SGCG: variants seen among roughly 807,000 people sequenced by gnomAD.
SGCG encodes gamma-sarcoglycan.
A neutral mutation model predicts 29.3 loss-of-function variants in SGCG; 26 were observed. The observed-to-expected ratio is 0.89, with a 90% CI of 0.65 to 1.23. SGCG has a LOEUF of 1.23. Ranked by LOEUF, SGCG falls within the 50% of genes most tolerant of loss-of-function variation. The pLI, the probability that SGCG is intolerant of heterozygous loss-of-function variation, is 0.00. For missense variants in SGCG, 353 were observed against 356.0 expected, an observed-to-expected ratio of 0.99 and a Z score of 0.07; for synonymous variants, 145 against 129.7, an observed-to-expected ratio of 1.12 and a Z score of -0.80.
At chr13:23,232,458 C>T (rs1472632789) in intron 2 of SGCG, among the ~76,000 whole-genome samples, 2 of 152,076 alleles carry the variant, frequency 1.3e-5, no homozygotes, top group East Asian at 3.9e-4. Context: ...TCCTGCTTTC[C>T]TTTTTTAAAT....
chr13:23,277,198 T>C (rs1881112277), intron 4 of SGCG, among the ~76,000 whole-genome samples: 1 of 152,196 alleles, frequency 6.6e-6, no homozygotes, highest in Non-Finnish European at 1.5e-5. Context: ...AAGATGAACC[T>C]CTAGTGAGCA....
At chr13:23,225,245 T>G (rs1383114544) in intron 2 of SGCG, among the ~76,000 whole-genome samples, 2 of 152,228 alleles carry the variant, frequency 1.3e-5, no homozygotes, top group Non-Finnish European at 2.9e-5. Flanking sequence ...CCGAAGGGAC[T>G]TTGCAGATGT....
chr13:23,322,394 A>AT (rs1883068885), intron 7 of SGCG, among the ~76,000 whole-genome samples: 1 of 152,192 alleles, frequency 6.6e-6, no homozygotes, highest in Non-Finnish European at 1.5e-5. Context: ...GTTATACAGC[A>AT]TTTTCACTTA....
At chr13:23,317,595 ATTTTC>A (rs1447642081) in intron 6 of SGCG, among the ~76,000 whole-genome samples, 2 of 152,036 alleles carry the variant, frequency 1.3e-5, no homozygotes, top group Admixed American at 6.5e-5. Flanking sequence ...AAATATCTTT[ATTTTC>A]TTTTCCTTTA....
chr13:23,169,022 A>G, the SGCG span, among the ~76,000 whole-genome samples: 1 of 151,766 alleles, frequency 6.6e-6, no homozygotes, highest in East Asian at 1.9e-4. Flanking sequence ...TCAAGAACTC[A>G]TCCATAAGGT....
At chr13:23,161,972 G>GA in the SGCG span, among the ~76,000 whole-genome samples, 10 of 152,060 alleles carry the variant, frequency 6.6e-5, no homozygotes, top group African/African-American at 2.4e-4. Flanking sequence ...TTAAATCTCA[G>GA]AAAAAAGGTA....
At chr13:23,273,866 C>T (rs573942102) in intron 4 of SGCG, among the ~76,000 whole-genome samples, 2 of 152,236 alleles carry the variant, frequency 1.3e-5, no homozygotes, top group South Asian at 2.1e-4. Flanking sequence ...AGGACTTCAC[C>T]GTCAGTATAT....
chr13:23,279,689 A>G (rs1881228396), intron 5 of SGCG, among the ~76,000 whole-genome samples: 1 of 120,138 alleles, frequency 8.3e-6, no homozygotes, highest in African/African-American at 2.8e-5. Flanking sequence ...CCCTTCTTCC[A>G]TCACAGTTTT....
intron 1 of SGCG, among the ~76,000 whole-genome samples, chr13:23,191,619 C>G (rs1486683115): frequency 6.6e-6 from 1 of 152,146 alleles, no homozygotes; most frequent in East Asian, 1.9e-4. Flanking sequence ...ATAAAATTAT[C>G]CTTGTAGAGC....
At chr13:23,319,368 G>A (rs1369914919) in intron 6 of SGCG, among the ~76,000 whole-genome samples, 2 of 151,394 alleles carry the variant, frequency 1.3e-5, no homozygotes, top group Non-Finnish European at 2.9e-5. Flanking sequence ...CTGTACCAAA[G>A]TGTTCCCCAG....
intron 7 of SGCG, 114 bp from the exon 8 acceptor site, chr13:23,324,254 A>T: frequency 1.1e-6 from 1 of 939,888 alleles, no homozygotes; most frequent in Non-Finnish European, 1.7e-6. Context: ...TCAGGTGCCT[A>T]TTTTGTTTTC....
upstream of SGCG, among the ~76,000 whole-genome samples, chr13:23,177,799 G>C (rs111427224): frequency 0.13 from 19,660 of 151,504 alleles, 1,393 homozygotes; most frequent in African/African-American, 0.17. Context: ...GGCTGGTTTT[G>C]AACTCCTGAC....
chr13:23,170,723 G>A, the SGCG span: 3 of 152,252 alleles, frequency 2.0e-5, no homozygotes, highest in Non-Finnish European at 4.4e-5. Context: ...GATTTCTTGA[G>A]GGAACAGGAT....
intron 7 of SGCG, among the ~76,000 whole-genome samples, chr13:23,324,136 G>T (rs1016247007): frequency 6.6e-6 from 1 of 152,172 alleles, no homozygotes; most frequent in African/African-American, 2.4e-5. Context: ...TGACAAACCG[G>T]AAAAGCGCCT....
At chr13:23,191,763 C>G (rs1565993694) in intron 1 of SGCG, among the ~76,000 whole-genome samples, 1 of 152,206 alleles carries the variant, frequency 6.6e-6, no homozygotes, top group African/African-American at 2.4e-5. Context: ...CGATCCAACA[C>G]ATTCATCATA....
the SGCG span, among the ~76,000 whole-genome samples, chr13:23,161,451 A>G: frequency 6.6e-6 from 1 of 152,224 alleles, no homozygotes; most frequent in Non-Finnish European, 1.5e-5. Context: ...TTCATGTACT[A>G]ATACTCCTGG....
At chr13:23,252,690 C>A (rs1432874709) in intron 4 of SGCG, among the ~76,000 whole-genome samples, 10 of 147,942 alleles carry the variant, frequency 6.8e-5, no homozygotes, top group Admixed American at 4.0e-4. Flanking sequence ...GACTGTGTCT[C>A]AAAAAAAACA....
chr13:23,279,760 C>T (rs1218330885), intron 5 of SGCG, among the ~76,000 whole-genome samples: 1 of 115,600 alleles, frequency 8.7e-6, no homozygotes, highest in African/African-American at 2.9e-5. Flanking sequence ...CAGAGTCTCG[C>T]TCTGTTGCCC....
chr13:23,298,125 G>A (rs1036620206), intron 6 of SGCG, among the ~76,000 whole-genome samples: 3 of 151,870 alleles, frequency 2.0e-5, no homozygotes, highest in African/African-American at 4.8e-5. Flanking sequence ...GGAGGCCGAG[G>A]CAGGTGGATC....
Sources: allele counts gnomAD v4.1 joint callset (sites outside exome capture counted in the v4.1 genomes callset), GRCh38; gene constraint gnomAD v4.1.1; transcripts MANE v1.5; gene names NCBI Gene and HGNC (gene_info 2026-07-23, HGNC 2026-07-21).